Variants in RAP1A observed in about 807,000 individuals in gnomAD.
The protein encoded by RAP1A is RAP1A, member of RAS oncogene family.
In RAP1A, 6 loss-of-function variants were observed where a neutral mutation model predicts 26.4. That is an observed-to-expected ratio of 0.23 (90% confidence interval 0.12 to 0.45). The LOEUF (loss-of-function observed/expected upper bound fraction) is 0.45. RAP1A is among the 20% of genes least tolerant of loss of function. RAP1A has a pLI of 0.99. For missense variants in RAP1A, 121 were observed against 217.2 expected (o/e 0.56, Z 2.78); for synonymous variants, 73 against 79.4 (o/e 0.92, Z 0.43).
intron 1 of RAP1A, among the ~76,000 whole-genome samples, chr1:111,599,076 C>T (rs923482430): frequency 6.6e-6 from 1 of 152,204 alleles, no homozygotes; most frequent in African/African-American, 2.4e-5. Context: ...GCCCTCTGGA[C>T]ATGCCACTCT....
chr1:111,601,477 A>G (rs563264792), intron 1 of RAP1A, among the ~76,000 whole-genome samples: 6 of 152,348 alleles, frequency 3.9e-5, no homozygotes, highest in African/African-American at 1.4e-4. Flanking sequence ...AGACTTATCT[A>G]GCAGGTTAAC....
At chr1:111,657,642 G>A (rs1014026028) in intron 1 of RAP1A, among the ~76,000 whole-genome samples, 1 of 151,900 alleles carries the variant, frequency 6.6e-6, no homozygotes, top group African/African-American at 2.4e-5. Context: ...GTATATGGTG[G>A]GGCCCAACTC....
At chr1:111,685,541 C>T (rs1661443626) in intron 1 of RAP1A, among the ~76,000 whole-genome samples, 1 of 152,110 alleles carries the variant, frequency 6.6e-6, no homozygotes. Flanking sequence ...CATCACTGGT[C>T]GTTAGAGAAA....
chr1:111,589,733 A>G (rs1658435276), intron 1 of RAP1A, among the ~76,000 whole-genome samples: 1 of 152,022 alleles, frequency 6.6e-6, no homozygotes, highest in African/African-American at 2.4e-5. Context: ...TATTTTTGCA[A>G]CAGGGTCTCA....
At chr1:111,613,859 T>C (rs1658970124) in intron 1 of RAP1A, among the ~76,000 whole-genome samples, 1 of 152,238 alleles carries the variant, frequency 6.6e-6, no homozygotes, top group Non-Finnish European at 1.5e-5. Context: ...GTGGCACTAA[T>C]ATAGATAACA....
At chr1:111,704,613 CTAAG>C in intron 6 of RAP1A, 127 bp downstream of exon 6, 1 of 986,534 alleles carries the variant, frequency 1.0e-6, no homozygotes, top group Non-Finnish European at 1.4e-6. Flanking sequence ...ATAGGAAACA[CTAAG>C]TAATTCCTGG....
chr1:111,712,212 C>A (rs1471504364), intron 7 of RAP1A, among the ~76,000 whole-genome samples: 2 of 152,000 alleles, frequency 1.3e-5, no homozygotes, highest in African/African-American at 2.4e-5. Flanking sequence ...CAGTTATAGA[C>A]TCCTCTTGTA....
intron 1 of RAP1A, among the ~76,000 whole-genome samples, chr1:111,638,297 A>ATTTTG (rs1336095096): frequency 6.6e-6 from 1 of 151,990 alleles, no homozygotes; most frequent in Non-Finnish European, 1.5e-5. Flanking sequence ...TTTCTTTCCC[A>ATTTTG]TTTTGTTTTG....
upstream of RAP1A, among the ~76,000 whole-genome samples, chr1:111,615,454 AG>A (rs1658995830): frequency 1.3e-5 from 2 of 152,140 alleles, no homozygotes; most frequent in African/African-American, 4.8e-5. Flanking sequence ...TTGTGTAGAA[AG>A]TATAGTATTT....
At position 111,716,397 on chromosome 1, in the gene RAP1A, A is replaced by G. The variant is rs1009394163; in HGVS notation, c.*3996A>G. ...TTCATCATGGGTTTGTTGAATGTGCAGTCCATTTATTGCCCTGTCTTGCTT... is the reference window on the plus strand; with the variant it reads ...TTCATCATGGGTTTGTTGAATGTGCGGTCCATTTATTGCCCTGTCTTGCTT... On this transcript the variant is annotated 3_prime_UTR_variant, in exon 8 of 8. Coordinates refer to ENST00000369709, the MANE Select transcript of RAP1A (RefSeq NM_002884.4). The G allele has an allele frequency of 2.0e-5, 3 of 152,246 alleles. No homozygotes were observed. Among genetic ancestry groups the G allele is most frequent in the African/African-American group, 4.8e-5 (2 of 41,458 alleles). 9.4% of individuals were successfully genotyped at this position (152,246 alleles called of 1,614,324 possible).
At chr1:111,674,836 A>G (rs1661075474) in intron 1 of RAP1A, among the ~76,000 whole-genome samples, 1 of 152,024 alleles carries the variant, frequency 6.6e-6, no homozygotes, top group African/African-American at 2.4e-5. Context: ...GGCCCGTGTC[A>G]TCTCTCACTC....
chr1:111,634,075 A>T (rs769928585), intron 1 of RAP1A, among the ~76,000 whole-genome samples: 25 of 152,236 alleles, frequency 1.6e-4, no homozygotes, highest in Non-Finnish European at 3.4e-4. Flanking sequence ...CAACACTCCC[A>T]TAACCACATG....
At chr1:111,704,307 T>C (rs202212779) in intron 5 of RAP1A, 36 bp from the exon 6 acceptor site, 295 of 1,605,828 alleles carry the variant, frequency 1.8e-4, no homozygotes, top group Non-Finnish European at 2.3e-4. Context: ...GTAATGAGTA[T>C]GTTATTGTTC....
chr1:111,593,104 G>A (rs1658499648), intron 1 of RAP1A, among the ~76,000 whole-genome samples: 1 of 152,162 alleles, frequency 6.6e-6, no homozygotes, highest in Non-Finnish European at 1.5e-5. Context: ...GAGCCGGGTT[G>A]TGTTGGCTTG....
chr1:111,705,072 C>T (rs960250920), intron 6 of RAP1A, among the ~76,000 whole-genome samples: 1 of 152,124 alleles, frequency 6.6e-6, no homozygotes, highest in Non-Finnish European at 1.5e-5. Flanking sequence ...CAGCTGTGGA[C>T]AAGAATACTT....
intron 1 of RAP1A, among the ~76,000 whole-genome samples, chr1:111,557,622 T>C (rs992686862): frequency 6.6e-6 from 1 of 151,904 alleles, no homozygotes; most frequent in Non-Finnish European, 1.5e-5. Context: ...ACTTTACTAA[T>C]AGACCCAAAT....
chr1:111,678,985 A>G (rs756089552), intron 1 of RAP1A, among the ~76,000 whole-genome samples: 1 of 152,268 alleles, frequency 6.6e-6, no homozygotes, highest in Non-Finnish European at 1.5e-5. Context: ...AAGAAAAACC[A>G]TATACTATCA....
At chr1:111,644,222 T>C (rs2101123664) in intron 1 of RAP1A, among the ~76,000 whole-genome samples, 1 of 152,296 alleles carries the variant, frequency 6.6e-6, no homozygotes. Flanking sequence ...AACAAATGGC[T>C]AAAATGGTTA....
intron 6 of RAP1A, among the ~76,000 whole-genome samples, chr1:111,706,070 G>A (rs909941873): frequency 2.0e-5 from 3 of 152,130 alleles, no homozygotes; most frequent in Non-Finnish European, 4.4e-5. Context: ...CTTTTTCATA[G>A]CAGTCTTGTT....
Sources: allele counts gnomAD v4.1 joint callset (sites outside exome capture counted in the v4.1 genomes callset), GRCh38; gene constraint gnomAD v4.1.1; transcripts MANE v1.5; gene names NCBI Gene and HGNC (gene_info 2026-07-23, HGNC 2026-07-21).